CACNA2D3: variants seen among roughly 807,000 people sequenced by gnomAD.
The protein encoded by CACNA2D3 is voltage-dependent calcium channel subunit alpha-2/delta-3.
CACNA2D3 carries 60 observed loss-of-function variants against 160.6 expected under a neutral mutation model. That is an observed-to-expected ratio of 0.37 (90% confidence interval 0.30 to 0.46). The LOEUF (loss-of-function observed/expected upper bound fraction) is 0.46, where lower values mean the gene tolerates loss of function less well. Ranked by LOEUF, CACNA2D3 falls within the 20% of genes least tolerant of loss-of-function variation. The probability of loss-of-function intolerance (pLI) is 1.00; values close to 1 mark genes in which losing one functional copy is unlikely to be tolerated. For synonymous variants in CACNA2D3, 558 were observed against 492.9 expected, an observed-to-expected ratio of 1.13 and a Z score of -1.75; for missense variants, 1,205 against 1,365.0, an observed-to-expected ratio of 0.88 and a Z score of 1.85.
intron 31 of CACNA2D3, among the ~76,000 whole-genome samples, chr3:54,993,124 G>C (rs1702778822): frequency 6.6e-6 from 1 of 152,146 alleles, no homozygotes. Flanking sequence ...TCCAGCATTG[G>C]GGATTATAGT....
At chr3:54,568,291 A>C (rs1347336614) in intron 6 of CACNA2D3, among the ~76,000 whole-genome samples, 1 of 152,248 alleles carries the variant, frequency 6.6e-6, no homozygotes, top group African/African-American at 2.4e-5. Context: ...TTGAATCTGC[A>C]GCAGAGATTT....
intron 27 of CACNA2D3, chr3:54,919,007 T>A (rs922640333): frequency 2.3e-5 from 15 of 641,046 alleles, no homozygotes; most frequent in Non-Finnish European, 3.0e-5. Flanking sequence ...TTTTTTTTTT[T>A]AAATCCTGGA....
intron 31 of CACNA2D3, among the ~76,000 whole-genome samples, chr3:55,002,892 C>T (rs994116595): frequency 3.3e-5 from 5 of 152,164 alleles, no homozygotes; most frequent in African/African-American, 7.2e-5. Context: ...AGTTACTGTC[C>T]AGATAAGGAG....
chr3:54,939,839 A>G (rs1559638186), intron 27 of CACNA2D3, among the ~76,000 whole-genome samples: 3 of 152,128 alleles, frequency 2.0e-5, no homozygotes, highest in Admixed American at 6.5e-5. Flanking sequence ...GATTGTTTGG[A>G]CAACCACATG....
At chr3:54,156,084 A>G (rs977422678) in intron 2 of CACNA2D3, among the ~76,000 whole-genome samples, 12 of 152,176 alleles carry the variant, frequency 7.9e-5, no homozygotes, top group Admixed American at 5.9e-4. Context: ...CTTCATGAGT[A>G]TAGGAAACCC....
At chr3:54,710,382 A>T (rs560294637) in intron 11 of CACNA2D3, among the ~76,000 whole-genome samples, 1 of 152,320 alleles carries the variant, frequency 6.6e-6, no homozygotes, top group African/African-American at 2.4e-5. Context: ...TTCCAATATG[A>T]TGCAGATTGA....
At chr3:54,540,634 G>A (rs972313810) in intron 5 of CACNA2D3, among the ~76,000 whole-genome samples, 3 of 152,252 alleles carry the variant, frequency 2.0e-5, no homozygotes, top group African/African-American at 7.2e-5. Context: ...TTCCTAGTTT[G>A]CAGTTGGCTG....
chr3:54,679,923 T>G (rs1700310516), intron 11 of CACNA2D3, among the ~76,000 whole-genome samples: 1 of 152,242 alleles, frequency 6.6e-6, no homozygotes, highest in Non-Finnish European at 1.5e-5. Flanking sequence ...AGCAAATCGT[T>G]TATTGCTTGA....
chr3:54,968,243 T>A (rs978399088), intron 27 of CACNA2D3, among the ~76,000 whole-genome samples: 1 of 152,190 alleles, frequency 6.6e-6, no homozygotes, highest in Non-Finnish European at 1.5e-5. Context: ...CTGTGCTGTT[T>A]GTTTTGTATC....
At chr3:54,245,159 A>G (rs1315224455) in intron 2 of CACNA2D3, among the ~76,000 whole-genome samples, 1 of 152,232 alleles carries the variant, frequency 6.6e-6, no homozygotes, top group African/African-American at 2.4e-5. Context: ...CCACAAGTAC[A>G]TGGTCATAGC....
chr3:54,420,639 G>T (rs186796682), intron 4 of CACNA2D3, among the ~76,000 whole-genome samples: 1 of 152,248 alleles, frequency 6.6e-6, no homozygotes, highest in Non-Finnish European at 1.5e-5. Flanking sequence ...AGCATTTGGG[G>T]GTTATGACCA....
At chr3:54,223,624 G>A (rs4928014) in intron 2 of CACNA2D3, among the ~76,000 whole-genome samples, 13,393 of 151,972 alleles carry the variant, frequency 0.088, 819 homozygotes, top group East Asian at 0.3. Context: ...GGGAGGCCAA[G>A]GTGGGCAGAT....
At chr3:54,693,610 T>C (rs1700606432) in intron 11 of CACNA2D3, among the ~76,000 whole-genome samples, 1 of 152,168 alleles carries the variant, frequency 6.6e-6, no homozygotes, top group African/African-American at 2.4e-5. Flanking sequence ...TCAGGAGGTG[T>C]CCAGAAGAAG....
At chr3:54,728,097 A>G (rs1027105620) in intron 11 of CACNA2D3, among the ~76,000 whole-genome samples, 1 of 152,088 alleles carries the variant, frequency 6.6e-6, no homozygotes, top group African/African-American at 2.4e-5. Flanking sequence ...TGGAGTGTGT[A>G]TATCTTCTTG....
chr3:54,898,161 TC>T (rs1233451283), intron 26 of CACNA2D3, among the ~76,000 whole-genome samples: 2 of 97,908 alleles, frequency 2.0e-5, no homozygotes, highest in Non-Finnish European at 3.8e-5. Flanking sequence ...TCTTTCTTTA[TC>T]TTTCTTTTCT....
chr3:54,339,984 G>A (rs893322849), intron 3 of CACNA2D3, among the ~76,000 whole-genome samples: 1 of 152,126 alleles, frequency 6.6e-6, no homozygotes, highest in African/African-American at 2.4e-5. Context: ...ATTTCTTGGA[G>A]AAAAGATTTC....
At chr3:54,276,455 C>G (rs1246412756) in intron 2 of CACNA2D3, among the ~76,000 whole-genome samples, 1 of 151,870 alleles carries the variant, frequency 6.6e-6, no homozygotes, top group African/African-American at 2.4e-5. Flanking sequence ...CGCCTGTAAT[C>G]TCAGCTACTT....
intron 2 of CACNA2D3, among the ~76,000 whole-genome samples, chr3:54,207,698 G>A (rs2107358186): frequency 1.3e-5 from 2 of 152,220 alleles, no homozygotes; most frequent in South Asian, 4.2e-4. Context: ...CACCATATGG[G>A]GAGTGGGCCA....
chr3:54,352,030 C>T (rs1698573619), intron 3 of CACNA2D3, among the ~76,000 whole-genome samples: 2 of 152,158 alleles, frequency 1.3e-5, no homozygotes, highest in Non-Finnish European at 2.9e-5. Flanking sequence ...TTTTTGATGA[C>T]CTGTACTGCA....
Sources: allele counts gnomAD v4.1 joint callset (sites outside exome capture counted in the v4.1 genomes callset), GRCh38; gene constraint gnomAD v4.1.1; transcripts MANE v1.5; gene names NCBI Gene and HGNC (gene_info 2026-07-23, HGNC 2026-07-21).